The following SPATA7 variants were observed in gnomAD, a reference collection of about 807,000 sequenced individuals.
SPATA7 encodes spermatogenesis associated 7.
SPATA7 carries 43 observed loss-of-function variants against 51.8 expected under a neutral mutation model. That is an observed-to-expected ratio of 0.83 (90% CI 0.65 to 1.07). The LOEUF is 1.07. Among genes scored for constraint, SPATA7 ranks in the 50% least tolerant of loss-of-function variants. SPATA7 has a pLI of 0.00. For missense variants in SPATA7, 683 were observed against 701.3 expected (o/e 0.97, Z 0.30); for synonymous variants, 230 against 252.8 (o/e 0.91, Z 0.86).
At chr14:88,418,330 CCTTA>C (rs200812004) in intron 5 of SPATA7, among the ~76,000 whole-genome samples, 5,356 of 152,170 alleles carry the variant, frequency 0.035, 304 homozygotes, top group African/African-American at 0.12. Flanking sequence ...TAATTCTCTG[CCTTA>C]CTTCTTTGCT....
downstream of SPATA7, among the ~76,000 whole-genome samples, chr14:88,459,930 C>T (rs147505881): frequency 4.5e-4 from 68 of 152,288 alleles, 1 homozygote; most frequent in East Asian, 0.011. Flanking sequence ...AATCTCTCAG[C>T]ATTTGCTTGT....
Position 88,429,370 on chromosome 14 carries a change from A to G in SPATA7, c.935A>G (p.Asp312Gly), listed in dbSNP as rs375872478. ...IKQASNCVTY[D>G]AKEKIAPLPL... ...CAGGCATCTAATTGTGTGACATATGATGCCAAAGAAAAAATAGCTCCTTTA... is the reference window on the plus strand; with the variant it reads ...CAGGCATCTAATTGTGTGACATATGGTGCCAAAGAAAAAATAGCTCCTTTA... The change falls in exon 8 of 12, where the codon GAT (aspartate) becomes GGT (glycine). Residue 312 changes from aspartate to glycine, a missense_variant. By Grantham distance (94) the Asp-to-Gly change is moderately conservative. Coordinates refer to ENST00000393545, the MANE Select transcript of SPATA7 (RefSeq NM_018418.5). The G allele has an allele frequency of 6.2e-6, 10 of 1,611,088 alleles. No individual in the cohort carries two copies. Among genetic ancestry groups the G allele is most frequent in the Non-Finnish European group, 8.5e-6 (10 of 1,177,682 alleles).
chr14:88,429,786 C>T lies in SPATA7; in HGVS notation c.1028+323C>T, dbSNP rs532694607. Among the ~76,000 whole-genome samples, 134 of 152,170 alleles carry T rather than the reference C, an allele frequency of 8.8e-4. 1 individual carries two copies. Among genetic ancestry groups the T allele is most frequent in the African/African-American group, 3.1e-3 (129 of 41,524 alleles). Reference sequence around the variant, plus strand: ...GCAGTGATGCTAACCAGTTTACATGCCACAAATAGTACTGAAGAGCTTTAC... The same window carrying T: ...GCAGTGATGCTAACCAGTTTACATGTCACAAATAGTACTGAAGAGCTTTAC... On this transcript the variant is annotated intron_variant, in intron 8 of 11. Transcript: ENST00000393545.
At chr14:88,396,633 C>A (rs1033989735) in intron 4 of SPATA7, among the ~76,000 whole-genome samples, 4 of 152,108 alleles carry the variant, frequency 2.6e-5, no homozygotes, top group African/African-American at 9.7e-5. Context: ...AATAAAATTC[C>A]ATTCTGTGTA....
At chr14:88,413,309 A>G (rs1038331846) in intron 4 of SPATA7, among the ~76,000 whole-genome samples, 2 of 151,916 alleles carry the variant, frequency 1.3e-5, no homozygotes, top group African/African-American at 4.8e-5. Context: ...GTGTGTAACT[A>G]TTGTAAATGA....
intron 4 of SPATA7, among the ~76,000 whole-genome samples, chr14:88,409,543 C>T (rs530861415): frequency 1.3e-5 from 2 of 152,146 alleles, no homozygotes; most frequent in African/African-American, 4.8e-5. Flanking sequence ...AAAAACAGCT[C>T]CTGGATTTAT....
chr14:88,434,108 A>C (rs985173519), intron 10 of SPATA7, among the ~76,000 whole-genome samples: 1 of 152,184 alleles, frequency 6.6e-6, no homozygotes, highest in Non-Finnish European at 1.5e-5. Context: ...TAAGATGATA[A>C]GTTTGGTTAG....
In SPATA7 at chr14:88,469,486, TAA is replaced by T. The variant is rs2077421173; in HGVS notation, c.255-359_255-358del. 1 of 1,594,704 alleles carries T rather than the reference TAA, an allele frequency of 6.3e-7. No homozygotes were observed. The highest frequency in any genetic ancestry group is 8.6e-7 in the Non-Finnish European group (1 of 1,162,520). ...GAGGCAGCTGTCCTCGGAACAAAGT[TAA>T]AGTCACTCACATAAAAATCCCTTGA... On this transcript the variant is annotated intron_variant, in intron 4 of 4. Coordinates refer to the SPATA7 transcript ENST00000556406. This position sits in a 1 kb window ranked among gnomAD's most constrained non-coding sequence, Gnocchi z 4.3.
chr14:88,415,273 C>G, intron 4 of SPATA7: 1 of 340,916 alleles, frequency 2.9e-6, no homozygotes, highest in Admixed American at 2.8e-5. Flanking sequence ...ATAGGTAAGT[C>G]TTGTGGAATT....
chr14:88,466,331 A>G (rs1187812766), intron 4 of SPATA7: 1 of 152,156 alleles, frequency 6.6e-6, no homozygotes, highest in Non-Finnish European at 1.5e-5. Flanking sequence ...ACTTTCAATT[A>G]GTTTTCATTA....
At chr14:88,403,760 G>T (rs1322155428) in intron 4 of SPATA7, among the ~76,000 whole-genome samples, 1 of 152,118 alleles carries the variant, frequency 6.6e-6, no homozygotes, top group African/African-American at 2.4e-5. Flanking sequence ...GAGGAAATGG[G>T]GAGATGTTGG....
intron 1 of SPATA7, among the ~76,000 whole-genome samples, chr14:88,387,505 A>C (rs1025245250): frequency 6.6e-6 from 1 of 152,196 alleles, no homozygotes; most frequent in Non-Finnish European, 1.5e-5. Context: ...AATAATTGAG[A>C]ATAAATTTCT....
chr14:88,385,681 C>T lies in SPATA7; in HGVS notation c.-138C>T. 1.2e-6 allele frequency: 1 copy of T among 837,208 alleles called. No individual in the cohort carries two copies. The highest frequency in any genetic ancestry group is 2.0e-6 in the Non-Finnish European group (1 of 502,630). 51.9% of individuals were successfully genotyped at this position (837,208 alleles called of 1,614,324 possible). A position where few individuals can be genotyped will look rare whatever the true frequency, so the allele number is the denominator to read the frequency against. ...CACTGGACCCAGCCCTTAGCAACGGCCTGGCAACGGTTTCCCTGCTGCTGC... is the reference window on the plus strand; with the variant it reads ...CACTGGACCCAGCCCTTAGCAACGGTCTGGCAACGGTTTCCCTGCTGCTGC... On this transcript the variant is annotated 5_prime_UTR_variant, in exon 1 of 12. Coordinates refer to ENST00000393545, the MANE Select transcript of SPATA7 (RefSeq NM_018418.5).
intron 5 of SPATA7, among the ~76,000 whole-genome samples, chr14:88,423,374 CAA>C (rs59070171): frequency 7.2e-5 from 3 of 41,496 alleles, no homozygotes; most frequent in East Asian, 7.0e-4. Context: ...CCCATCTCTA[CAA>C]AAAAAAAAAA....
intron 5 of SPATA7, among the ~76,000 whole-genome samples, chr14:88,418,583 T>C (rs971730144): frequency 6.6e-6 from 1 of 152,162 alleles, no homozygotes; most frequent in Non-Finnish European, 1.5e-5. Flanking sequence ...GAAGCAATTC[T>C]CGTGCCTCAG....
At chr14:88,445,742 A>C (rs142739480) in intron 3 of SPATA7, among the ~76,000 whole-genome samples, 2,582 of 152,318 alleles carry the variant, frequency 0.017, 42 homozygotes, top group Non-Finnish European at 0.023. Flanking sequence ...TATTGAGATA[A>C]TCATGTGTTT....
chr14:88,388,400 C>T (rs560377539), intron 1 of SPATA7, among the ~76,000 whole-genome samples: 145 of 152,282 alleles, frequency 9.5e-4, no homozygotes, highest in African/African-American at 3.1e-3. Flanking sequence ...ACCACTAAGA[C>T]CTTCAATCTC....
At chr14:88,452,312 C>T (rs1156961355) in intron 3 of SPATA7, among the ~76,000 whole-genome samples, 1 of 152,096 alleles carries the variant, frequency 6.6e-6, no homozygotes, top group African/African-American at 2.4e-5. Flanking sequence ...AGCACCTGCT[C>T]AAGTGGAGGT....
chr14:88,416,794 C>A lies in SPATA7; in HGVS notation c.322C>A (p.Arg108=), dbSNP rs80044281. 25 of 1,606,726 alleles carry A rather than the reference C, an allele frequency of 1.6e-5. No homozygotes were observed. Among genetic ancestry groups the A allele is most frequent in the Non-Finnish European group, 2.0e-5 (23 of 1,173,910 alleles). ...GTTCAAATTAACTAAAACTGCAATG[C>A]GAGCCAATTATAAAAATAATTCCAA... ...KEFKLTKTAM[R]ANYKNNSKSL... Residue 108 remains arginine, a synonymous_variant, in exon 5 of 12, where the codon CGA becomes AGA. Transcript: ENST00000393545.
Sources: gnomAD v4.1 joint callset for allele counts (sites outside exome capture counted in the v4.1 genomes callset) on GRCh38, gnomAD v4.1.1 for gene constraint, Gnocchi (gnomAD v3.1) non-coding constraint, MANE v1.5 for transcripts, NCBI Gene and HGNC (gene_info 2026-07-23, HGNC 2026-07-21) for gene names.